ADGRB3: variants seen among roughly 807,000 people sequenced by gnomAD.
ADGRB3 encodes brain-specific angiogenesis inhibitor 3.
Under a neutral mutation model 193.4 loss-of-function variants are expected in ADGRB3, and 37 were observed. That is an observed-to-expected ratio of 0.19 (90% CI 0.15 to 0.25). ADGRB3 has a LOEUF of 0.25. Ranked by LOEUF, ADGRB3 falls within the 10% of genes least tolerant of loss-of-function variation. The pLI, the probability that ADGRB3 is intolerant of heterozygous loss-of-function variation, is 1.00. For synonymous variants in ADGRB3, 690 were observed against 644.2 expected, an observed-to-expected ratio of 1.07 and a Z score of -1.08; for missense variants, 1,637 against 1,852.9, an observed-to-expected ratio of 0.88 and a Z score of 2.14.
chr6:68,943,558 G>T (rs1282913182), intron 5 of ADGRB3, among the ~76,000 whole-genome samples: 1 of 152,012 alleles, frequency 6.6e-6, no homozygotes, highest in Non-Finnish European at 1.5e-5. Flanking sequence ...AGGGAGAGAG[G>T]TGCATTTCCA....
At chr6:68,791,813 C>T (rs1442990802) in intron 3 of ADGRB3, among the ~76,000 whole-genome samples, 1 of 152,094 alleles carries the variant, frequency 6.6e-6, no homozygotes, top group Non-Finnish European at 1.5e-5. Context: ...AATTAAAAAT[C>T]AGTTCAATGT....
rs753326393 is a variant in ADGRB3, at chr6:68,956,058, C to T, written c.1230C>T (p.Ser410=). 15 of 1,613,654 alleles carry T rather than the reference C, an allele frequency of 9.3e-6. No homozygotes were observed. In the African/African-American group the frequency reaches 1.6e-4, roughly 17 times the overall value. The change falls in exon 7 of 32, where the codon AGC becomes AGT. Residue 410 remains serine (S), a synonymous_variant. Coordinates refer to ENST00000370598, the MANE Select transcript of ADGRB3 (RefSeq NM_001704.3). ...DGQWQEWSSW[S]QCSVTCSNGT... is the part of the protein sequence containing the mutation. Reference sequence around the variant, plus strand: ...AGTGGCAAGAGTGGAGTTCGTGGAGCCAGTGCTCAGTAACGTGCTCGAATG... The same window carrying T: ...AGTGGCAAGAGTGGAGTTCGTGGAGTCAGTGCTCAGTAACGTGCTCGAATG...
chr6:69,323,370 C>T (rs1768503376), intron 20 of ADGRB3, among the ~76,000 whole-genome samples: 1 of 151,864 alleles, frequency 6.6e-6, no homozygotes, highest in Non-Finnish European at 1.5e-5. Context: ...ACTAGTCAGC[C>T]TGCAGATATT....
At chr6:69,069,645 C>T (rs1466620805) in intron 16 of ADGRB3, among the ~76,000 whole-genome samples, 3 of 136,112 alleles carry the variant, frequency 2.2e-5, no homozygotes, top group Non-Finnish European at 3.1e-5. Flanking sequence ...GCAGGAGAAT[C>T]GCTTGAACTC....
intron 11 of ADGRB3, among the ~76,000 whole-genome samples, chr6:69,012,109 C>T (rs2150284471): frequency 6.6e-6 from 1 of 152,156 alleles, no homozygotes; most frequent in South Asian, 2.1e-4. Context: ...AATTTATTGT[C>T]TTCATCAAGG....
At chr6:68,793,674 G>A (rs919575912) in intron 3 of ADGRB3, among the ~76,000 whole-genome samples, 25 of 152,004 alleles carry the variant, frequency 1.6e-4, no homozygotes, top group South Asian at 1.2e-3. Flanking sequence ...AAATACAGGC[G>A]CGTGCCACCA....
At chr6:69,289,727 C>T (rs1767625920) in intron 20 of ADGRB3, among the ~76,000 whole-genome samples, 1 of 152,064 alleles carries the variant, frequency 6.6e-6, no homozygotes. Context: ...GTTTCACCTC[C>T]ACTACAGACA....
chr6:68,657,317 A>G (rs1582102461), intron 3 of ADGRB3, among the ~76,000 whole-genome samples: 1 of 151,478 alleles, frequency 6.6e-6, no homozygotes, highest in South Asian at 2.1e-4. Context: ...GGCAAAGGCT[A>G]TATATAAATA....
intron 13 of ADGRB3, among the ~76,000 whole-genome samples, chr6:69,035,074 T>C (rs1263314901): frequency 1.3e-5 from 2 of 152,076 alleles, no homozygotes; most frequent in Non-Finnish European, 2.9e-5. Flanking sequence ...TGTTTATAAT[T>C]CCAATGATAA....
At chr6:69,387,484 GAAGT>G (rs141611355) in intron 31 of ADGRB3, among the ~76,000 whole-genome samples, 16,598 of 152,044 alleles carry the variant, frequency 0.11, 1,071 homozygotes, top group Middle Eastern at 0.31. Context: ...TATATTCTCA[GAAGT>G]AAGGTTAATC....
intron 17 of ADGRB3, among the ~76,000 whole-genome samples, chr6:69,104,428 G>A (rs1681184287): frequency 6.6e-6 from 1 of 151,598 alleles, no homozygotes. Flanking sequence ...TCTTAATCCA[G>A]TCTATTATTG....
rs372639209 is a variant in ADGRB3, at chr6:69,092,556, CAT to C, written c.2480+16519_2480+16520del. Among the ~76,000 whole-genome samples the C allele has an allele frequency of 6.6e-5, 10 of 152,240 alleles. No individual in the cohort carries two copies. In the East Asian group the frequency reaches 1.9e-3, roughly 29 times the overall value. ...ATTTTTTGATAATAATTGTAAGCAA[CAT>C]GTGTGAAAAAGATTTTGTGTGCAAG... On this transcript the variant is annotated intron_variant, in intron 17 of 31. Transcript: ENST00000370598.
At chr6:69,108,149 C>CA (rs1773265456) in intron 17 of ADGRB3, among the ~76,000 whole-genome samples, 1 of 151,790 alleles carries the variant, frequency 6.6e-6, no homozygotes, top group Non-Finnish European at 1.5e-5. Flanking sequence ...AGAAACTATT[C>CA]AGTCTTTTTC....
In ADGRB3 at chr6:68,841,221, C is replaced by T. The variant is rs138219943; in HGVS notation, c.758-89338C>T. 2.2e-3 allele frequency among the ~76,000 whole-genome samples: 336 copies of T among 152,198 alleles called. 3 individuals carry two copies. Among genetic ancestry groups the T allele is most frequent in the African/African-American group, 7.6e-3 (315 of 41,554 alleles). Reference sequence around the variant, plus strand: ...AGTCAGGAAATTAATAAAGAAACATCAGATTTACTCTTCATGATAGAACAC... The same window carrying T: ...AGTCAGGAAATTAATAAAGAAACATTAGATTTACTCTTCATGATAGAACAC... On this transcript the variant is annotated intron_variant, in intron 3 of 31. Coordinates refer to ENST00000370598, the MANE Select transcript of ADGRB3 (RefSeq NM_001704.3).
chr6:69,241,779 G>A (rs1766389540), intron 20 of ADGRB3, among the ~76,000 whole-genome samples: 1 of 151,928 alleles, frequency 6.6e-6, no homozygotes, highest in Non-Finnish European at 1.5e-5. Flanking sequence ...TGCAACCAAA[G>A]TGGTTTTGTA....
intron 29 of ADGRB3, among the ~76,000 whole-genome samples, chr6:69,368,083 C>T (rs1414849738): frequency 6.6e-6 from 1 of 151,662 alleles, no homozygotes; most frequent in Non-Finnish European, 1.5e-5. Flanking sequence ...CAGCATGGCA[C>T]ATGTATACAT....
intron 16 of ADGRB3, among the ~76,000 whole-genome samples, chr6:69,064,377 T>A (rs1771838283): frequency 7.9e-5 from 12 of 151,886 alleles, no homozygotes; most frequent in Admixed American, 7.9e-4. Context: ...TTAGTTAATA[T>A]TTAAACTATT....
chr6:69,104,747 T>G (rs1773162726), intron 17 of ADGRB3, among the ~76,000 whole-genome samples: 1 of 152,176 alleles, frequency 6.6e-6, no homozygotes, highest in Non-Finnish European at 1.5e-5. Flanking sequence ...AATTCAATAT[T>G]TATTATCATA....
At chr6:69,008,212 A>T (rs1238210895) in intron 11 of ADGRB3, among the ~76,000 whole-genome samples, 1 of 152,138 alleles carries the variant, frequency 6.6e-6, no homozygotes, top group Non-Finnish European at 1.5e-5. Context: ...GTATTTGCTT[A>T]CTTTTTCTTC....
Sources: gnomAD v4.1 joint callset for allele counts (sites outside exome capture counted in the v4.1 genomes callset) on GRCh38, gnomAD v4.1.1 for gene constraint, MANE v1.5 for transcripts, NCBI Gene and HGNC (gene_info 2026-07-23, HGNC 2026-07-21) for gene names.